The following INTS15 variants were observed in gnomAD, a reference collection of about 807,000 sequenced individuals.
The protein encoded by INTS15 is integrator complex subunit 15.
At chr7:6,600,088 C>G in the INTS15 span, 1 of 1,614,236 alleles carries the variant, frequency 6.2e-7, no homozygotes. Context: ...TGGGGATGGA[C>G]AGAGACTCCC....
chr7:6,599,803 C>T, the INTS15 span: 1 of 1,605,184 alleles, frequency 6.2e-7, no homozygotes, highest in Non-Finnish European at 8.5e-7. Context: ...CAAGAGTGCT[C>T]CTGACCTAAT....
chr7:6,600,353 A>C, the INTS15 span: 1 of 1,609,020 alleles, frequency 6.2e-7, no homozygotes, highest in Non-Finnish European at 8.5e-7. Context: ...GCTGTGCACG[A>C]GAGGTGGGTG....
chr7:6,593,894 TC>T, the INTS15 span, among the ~76,000 whole-genome samples: 1 of 147,684 alleles, frequency 6.8e-6, no homozygotes, highest in Admixed American at 6.8e-5. Context: ...CAAGTGATCC[TC>T]CCGCCTCGGC....
chr7:6,599,965 G>A, the INTS15 span: 11 of 1,614,158 alleles, frequency 6.8e-6, no homozygotes, highest in South Asian at 9.9e-5. Context: ...AGCTCACCCC[G>A]CTCGTTGGAT....
At chr7:6,598,490 C>T in the INTS15 span, among the ~76,000 whole-genome samples, 5 of 142,174 alleles carry the variant, frequency 3.5e-5, no homozygotes, top group African/African-American at 1.3e-4. Context: ...AAAAAAGGCA[C>T]ACAGGACAGC....
the INTS15 span, among the ~76,000 whole-genome samples, chr7:6,605,296 C>A: frequency 6.6e-6 from 1 of 151,998 alleles, no homozygotes; most frequent in East Asian, 1.9e-4. Flanking sequence ...GCCTCTTTTT[C>A]CTTTTTTTGG....
At chr7:6,590,442 C>G in the INTS15 span, 1 of 1,598,824 alleles carries the variant, frequency 6.3e-7, no homozygotes, top group Non-Finnish European at 8.5e-7. Flanking sequence ...AGTTCGTGTT[C>G]CAGGTGCCCA....
the INTS15 span, chr7:6,600,402 G>A: frequency 3.2e-6 from 5 of 1,549,286 alleles, no homozygotes; most frequent in South Asian, 1.2e-5. Context: ...GGACACCGCC[G>A]CCCTGCAGAA....
At chr7:6,594,444 G>A in the INTS15 span, 14 of 1,614,026 alleles carry the variant, frequency 8.7e-6, no homozygotes, top group Middle Eastern at 4.9e-4. Context: ...GCGGACGCCC[G>A]TGGTTTACTG....
chr7:6,599,967 T>A, the INTS15 span: 1 of 1,614,106 alleles, frequency 6.2e-7, no homozygotes, highest in African/African-American at 1.3e-5. Context: ...CTCACCCCGC[T>A]CGTTGGATTG....
At chr7:6,605,924 CCTGACCTCAG>C in the INTS15 span, among the ~76,000 whole-genome samples, 7 of 152,136 alleles carry the variant, frequency 4.6e-5, no homozygotes, top group Admixed American at 6.6e-5. Context: ...GCCTCGAACT[CCTGACCTCAG>C]GTGATCTGCC....
At chr7:6,599,968 C>T in the INTS15 span, 22 of 1,614,014 alleles carry the variant, frequency 1.4e-5, no homozygotes, top group South Asian at 5.5e-5. Flanking sequence ...TCACCCCGCT[C>T]GTTGGATTGA....
the INTS15 span, among the ~76,000 whole-genome samples, chr7:6,603,980 G>C: frequency 3.3e-5 from 5 of 151,912 alleles, no homozygotes; most frequent in African/African-American, 4.8e-5. Flanking sequence ...CTGGGCAACA[G>C]AGCAAGACCC....
the INTS15 span, among the ~76,000 whole-genome samples, chr7:6,601,880 C>T: frequency 6.6e-6 from 1 of 151,858 alleles, no homozygotes; most frequent in Non-Finnish European, 1.5e-5. Flanking sequence ...TGGTCTCAAA[C>T]TCCTGACCTC....
the INTS15 span, among the ~76,000 whole-genome samples, chr7:6,603,726 C>A: frequency 2.6e-5 from 4 of 152,244 alleles, no homozygotes; most frequent in South Asian, 6.2e-4. Flanking sequence ...GTAATCCCAG[C>A]TACTTGGGAG....
the INTS15 span, among the ~76,000 whole-genome samples, chr7:6,601,897 T>G: frequency 6.6e-6 from 1 of 152,090 alleles, no homozygotes; most frequent in Middle Eastern, 3.4e-3. Context: ...CCTCGGGTGA[T>G]CCACCCGCCT....
At chr7:6,598,093 C>T in the INTS15 span, among the ~76,000 whole-genome samples, 4 of 152,118 alleles carry the variant, frequency 2.6e-5, no homozygotes, top group East Asian at 3.9e-4. Context: ...TGCGTCAGCT[C>T]AGATCTGAGG....
the INTS15 span, among the ~76,000 whole-genome samples, chr7:6,603,825 G>C: frequency 6.6e-6 from 1 of 151,834 alleles, no homozygotes; most frequent in East Asian, 1.9e-4. Flanking sequence ...GGCAATAAGA[G>C]CAAAACTCCG....
chr7:6,598,468 CAA>C, the INTS15 span, among the ~76,000 whole-genome samples: 5 of 121,244 alleles, frequency 4.1e-5, no homozygotes, highest in Non-Finnish European at 5.0e-5. Flanking sequence ...GACTCCATCT[CAA>C]AAAAAAAAAA....
Sources: gnomAD v4.1 joint callset for allele counts (sites outside exome capture counted in the v4.1 genomes callset) on GRCh38, gnomAD v4.1.1 for gene constraint, MANE v1.5 for transcripts, NCBI Gene and HGNC (gene_info 2026-07-23, HGNC 2026-07-21) for gene names.